Variants in DOK6 observed in about 807,000 individuals in gnomAD.
DOK6 encodes the protein downstream of tyrosine kinase 6.
DOK6 carries 22 observed loss-of-function variants against 44.0 expected under a neutral mutation model. The observed-to-expected ratio is 0.50, with a 90% CI of 0.36 to 0.71. The LOEUF is 0.71. Among genes scored for constraint, DOK6 ranks in the 30% least tolerant of loss-of-function variants. The probability of loss-of-function intolerance (pLI) is 0.00; values close to 1 mark genes in which losing one functional copy is unlikely to be tolerated. For missense variants in DOK6, 340 were observed against 416.4 expected, an observed-to-expected ratio of 0.82 and a Z score of 1.60; for synonymous variants, 166 against 145.5, an observed-to-expected ratio of 1.14 and a Z score of -1.01.
chr18:69,478,869 T>C (rs557111253), intron 1 of DOK6, among the ~76,000 whole-genome samples: 91 of 152,320 alleles, frequency 6.0e-4, no homozygotes, highest in African/African-American at 2.1e-3. Flanking sequence ...ATCCAATTTA[T>C]GATACAAAAA....
At chr18:69,509,588 A>G (rs956780386) in intron 1 of DOK6, among the ~76,000 whole-genome samples, 1 of 141,386 alleles carries the variant, frequency 7.1e-6, no homozygotes, top group African/African-American at 2.6e-5. Context: ...CAGTGAGCCG[A>G]GATCGCGCCG....
At chr18:69,470,978 G>A (rs966292913) in intron 1 of DOK6, among the ~76,000 whole-genome samples, 3 of 152,030 alleles carry the variant, frequency 2.0e-5, no homozygotes, top group African/African-American at 7.2e-5. Context: ...AGCCGGGCAC[G>A]GTGGCTTGTG....
In DOK6 at chr18:69,847,396, GA is replaced by G. The variant is rs1982368901; in HGVS notation, c.*6015del. 1 of 152,170 alleles carries G rather than the reference GA, an allele frequency of 6.6e-6. No homozygotes were observed. Among genetic ancestry groups the G allele is most frequent in the Non-Finnish European group, 1.5e-5 (1 of 68,034 alleles). The allele number at this position is 152,170 out of a possible 1,614,324, so 9.4% of individuals were successfully genotyped here. ...CTGTAGCTGTGCTAATGTTAGGATT[GA>G]ATTGTTCTATTAATTCCCTCAAGAG... is the stretch of plus-strand genomic sequence containing the variant. On this transcript the variant is annotated 3_prime_UTR_variant, in exon 8 of 8. Coordinates refer to ENST00000382713, the MANE Select transcript of DOK6 (RefSeq NM_152721.6).
intron 3 of DOK6, among the ~76,000 whole-genome samples, chr18:69,636,463 C>T (rs1984811856): frequency 6.6e-6 from 1 of 152,158 alleles, no homozygotes; most frequent in South Asian, 2.1e-4. Context: ...AAAAGGAAGC[C>T]ATCCAGGCAC....
intron 1 of DOK6, among the ~76,000 whole-genome samples, chr18:69,551,949 AT>A (rs568746663): frequency 1.3e-3 from 205 of 152,352 alleles, no homozygotes; most frequent in African/African-American, 4.6e-3. Flanking sequence ...TGCAAAATGC[AT>A]TACCCCAGTT....
chr18:69,733,794 A>G (rs776057964), intron 5 of DOK6, among the ~76,000 whole-genome samples: 2 of 152,164 alleles, frequency 1.3e-5, no homozygotes, highest in Non-Finnish European at 2.9e-5. Context: ...GTAACTTATC[A>G]TTCTTCACTG....
intron 4 of DOK6, 76 bp downstream of exon 4, chr18:69,677,929 G>A: frequency 6.5e-7 from 1 of 1,532,242 alleles, no homozygotes; most frequent in East Asian, 2.4e-5. Flanking sequence ...AAGGATCTCA[G>A]AAATGTTTCA....
chr18:69,471,712 G>A (rs571622100), intron 1 of DOK6: 2 of 152,084 alleles, frequency 1.3e-5, no homozygotes, highest in East Asian at 1.9e-4. Context: ...TGAAAGAGAC[G>A]TCTAATCAAT....
chr18:69,698,341 G>T (rs7241894), intron 4 of DOK6, 63 bp from the exon 5 acceptor site: 3 of 1,430,436 alleles, frequency 2.1e-6, no homozygotes, highest in East Asian at 2.3e-5. Flanking sequence ...AATTAATATC[G>T]TATGGCCATA....
chr18:69,440,554 G>A lies in DOK6; in HGVS notation c.66+39244G>A, dbSNP rs542594704. On this transcript the variant is annotated intron_variant, in intron 1 of 7. Transcript: ENST00000382713. ...GTTTTACCGTATATTTGGGAATGTC[G>A]GCCTTCTTACTTGCAGGATAACTTG... Among the ~76,000 whole-genome samples, 8 of 152,146 alleles carry A rather than the reference G, an allele frequency of 5.3e-5. No individual in the cohort carries two copies. In the South Asian group the frequency reaches 6.2e-4, roughly 12 times the overall value.
intron 5 of DOK6, among the ~76,000 whole-genome samples, chr18:69,712,557 C>T (rs1043758791): frequency 6.6e-6 from 1 of 152,054 alleles, no homozygotes; most frequent in African/African-American, 2.4e-5. Context: ...TATAAATGTA[C>T]ATTGGGACCT....
At chr18:69,699,184 C>G (rs2144703737) in intron 5 of DOK6, among the ~76,000 whole-genome samples, 1 of 152,056 alleles carries the variant, frequency 6.6e-6, no homozygotes, top group East Asian at 1.9e-4. Flanking sequence ...TGCTATGACC[C>G]CATTGTAGTA....
intron 1 of DOK6, among the ~76,000 whole-genome samples, chr18:69,541,268 T>A (rs547540976): frequency 4.6e-5 from 7 of 151,602 alleles, no homozygotes; most frequent in African/African-American, 1.7e-4. Context: ...TTTGCTCTCA[T>A]GCTCTGGAAT....
At chr18:69,671,975 T>C (rs994067309) in intron 3 of DOK6, among the ~76,000 whole-genome samples, 8 of 152,190 alleles carry the variant, frequency 5.3e-5, no homozygotes, top group African/African-American at 1.9e-4. Flanking sequence ...TCTACGGCCA[T>C]ACCACCCTGA....
At chr18:69,634,686 G>C (rs112280774) in intron 3 of DOK6, among the ~76,000 whole-genome samples, 1 of 152,118 alleles carries the variant, frequency 6.6e-6, no homozygotes, top group Admixed American at 6.5e-5. Flanking sequence ...ATGAACAAGA[G>C]AAATAAAGCC....
chr18:69,508,727 T>C (rs1177756915), intron 1 of DOK6, among the ~76,000 whole-genome samples: 1 of 152,020 alleles, frequency 6.6e-6, no homozygotes, highest in African/African-American at 2.4e-5. Context: ...TTGCATACTA[T>C]AGCAGAGATA....
intron 1 of DOK6, among the ~76,000 whole-genome samples, chr18:69,434,063 C>G (rs986595278): frequency 1.3e-5 from 2 of 152,132 alleles, no homozygotes; most frequent in African/African-American, 2.4e-5. Flanking sequence ...CTATTTCTTA[C>G]TAATTTTTAA....
At chr18:69,490,597 T>TA (rs1258038774) in intron 1 of DOK6, among the ~76,000 whole-genome samples, 3 of 152,088 alleles carry the variant, frequency 2.0e-5, no homozygotes, top group Non-Finnish European at 2.9e-5. Context: ...ACTATTCACT[T>TA]AAAAAAATCT....
At chr18:69,512,332 C>CTTCTTCTTTTTTTTTTTTTTTTTT (rs59109570) in intron 1 of DOK6, among the ~76,000 whole-genome samples, 3 of 91,690 alleles carry the variant, frequency 3.3e-5, no homozygotes, top group African/African-American at 1.4e-4. Context: ...CTTTCTTCTT[C>CTTCTTCTTTTTTTTTTTTTTTTTT]TTTTTTTTTT....
Sources: gnomAD v4.1 joint callset for allele counts (sites outside exome capture counted in the v4.1 genomes callset) on GRCh38, gnomAD v4.1.1 for gene constraint, MANE v1.5 for transcripts, NCBI Gene and HGNC (gene_info 2026-07-23, HGNC 2026-07-21) for gene names.